The following POU2F1 variants were observed in gnomAD, a reference collection of about 807,000 sequenced individuals.
POU2F1 encodes the protein POU class 2 homeobox 1, also known as POU domain, class 2, transcription factor 1.
A neutral mutation model predicts 84.9 loss-of-function variants in POU2F1; 16 were observed. The ratio of observed to expected loss-of-function variants is 0.19; its 90% CI spans 0.13 to 0.29. POU2F1 has a LOEUF of 0.29. POU2F1 is among the 10% of genes least tolerant of loss of function. The pLI is 1.00. For missense variants in POU2F1, 738 were observed against 942.6 expected (o/e 0.78, Z 2.84); for synonymous variants, 368 against 368.3 (o/e 1.00, Z 0.01).
At chr1:167,375,087 AT>A (rs1475429091) in intron 6 of POU2F1, among the ~76,000 whole-genome samples, 1 of 152,150 alleles carries the variant, frequency 6.6e-6, no homozygotes, top group Non-Finnish European at 1.5e-5. Context: ...AATAAATAAA[AT>A]CTTTAATCTC....
chr1:167,282,695 C>G (rs1234136728), intron 1 of POU2F1, among the ~76,000 whole-genome samples: 4 of 152,074 alleles, frequency 2.6e-5, no homozygotes, highest in African/African-American at 9.7e-5. Context: ...CTGTACTTTT[C>G]CACCCTCATA....
intron 9 of POU2F1, among the ~76,000 whole-genome samples, chr1:167,395,582 ATTTATT>A (rs1156396373): frequency 6.6e-6 from 1 of 152,090 alleles, no homozygotes; most frequent in East Asian, 1.9e-4. Context: ...ATACAGATAA[ATTTATT>A]TTTATTTTTC....
At chr1:167,361,437 T>C (rs1169575382) in intron 2 of POU2F1, among the ~76,000 whole-genome samples, 2 of 152,216 alleles carry the variant, frequency 1.3e-5, no homozygotes, top group Non-Finnish European at 2.9e-5. Context: ...GATGATCATA[T>C]GGTTTTTGTT....
At chr1:167,229,809 T>TA (rs1648922253) in intron 1 of POU2F1, among the ~76,000 whole-genome samples, 1 of 152,170 alleles carries the variant, frequency 6.6e-6, no homozygotes, top group African/African-American at 2.4e-5. Context: ...GCCAGCATCT[T>TA]AGGAGGAATG....
intron 1 of POU2F1, among the ~76,000 whole-genome samples, chr1:167,298,148 C>A (rs1654417851): frequency 6.6e-6 from 1 of 151,632 alleles, no homozygotes; most frequent in Admixed American, 6.6e-5. Context: ...ACAACAACAA[C>A]AACAAAAACA....
chr1:167,322,095 T>C (rs552138386), intron 1 of POU2F1, among the ~76,000 whole-genome samples: 1 of 152,232 alleles, frequency 6.6e-6, no homozygotes, highest in Non-Finnish European at 1.5e-5. Context: ...ATGATTGAAA[T>C]GTCCATTCCT....
Position 167,220,931 on chromosome 1 carries a change from A to G in POU2F1, c.34A>G (p.Ser12Gly), listed in dbSNP as rs1477233767. ...CGGAGGAGCAGCGAGTCAAGATGAG[A>G]GTTCAGCCGCGGCGGCAGCAGCAGC... Reference protein sequence around the residue: ...ADGGAASQDESSAAAAAAADS... With the variant: ...ADGGAASQDEGSAAAAAAADS... The change falls in exon 1 of 16, where the codon AGT (serine) becomes GGT (glycine). Residue 12 changes from serine to glycine, a missense_variant. Ser to Gly is a moderately conservative substitution (Grantham distance 56). Coordinates refer to ENST00000367866, the MANE Select transcript of POU2F1 (RefSeq NM_002697.4). 5.2e-6 allele frequency: 8 copies of G among 1,535,226 alleles called. No individual in the cohort carries two copies. Among genetic ancestry groups the G allele is most frequent in the African/African-American group, 1.4e-5 (1 of 72,998 alleles).
intron 1 of POU2F1, among the ~76,000 whole-genome samples, chr1:167,246,094 G>A (rs544389718): frequency 3.3e-5 from 5 of 152,308 alleles, no homozygotes; most frequent in African/African-American, 1.2e-4. Flanking sequence ...TACAAAAATA[G>A]AAGTAATGAT....
Position 167,382,658 on chromosome 1 carries a change from A to G in POU2F1, c.719-1199A>G, listed in dbSNP as rs939692161. 4.6e-5 allele frequency among the ~76,000 whole-genome samples: 7 copies of G among 152,356 alleles called. No homozygotes were observed. The East Asian group carries it at 7.7e-4, about 17-fold the overall frequency. ...AAGGAGGATGGTCATTTAAACTTCC[A>G]TAAACCTGCCTTTTAAGAAATGTTT... On this transcript the variant is annotated intron_variant, in intron 7 of 15. Coordinates refer to ENST00000367866, the MANE Select transcript of POU2F1 (RefSeq NM_002697.4).
chr1:167,399,876 T>C (rs1478232116), intron 12 of POU2F1, among the ~76,000 whole-genome samples: 2 of 151,532 alleles, frequency 1.3e-5, no homozygotes, highest in African/African-American at 4.8e-5. Flanking sequence ...GGTTTCACTA[T>C]GTTGGCCAGG....
At chr1:167,237,770 ATATTTTTTTTTTTT>A (rs1649604807) in intron 1 of POU2F1, among the ~76,000 whole-genome samples, 1 of 12,670 alleles carries the variant, frequency 7.9e-5, no homozygotes, top group Admixed American at 1.3e-3. Context: ...ATATATATAT[ATATTTTTTTTTTTT>A]TTTTTTTTTT....
intron 1 of POU2F1, among the ~76,000 whole-genome samples, chr1:167,328,372 C>A (rs1271799237): frequency 1.3e-5 from 2 of 152,316 alleles, no homozygotes; most frequent in Non-Finnish European, 2.9e-5. Flanking sequence ...GTGGGACTTT[C>A]TCTTGACGGA....
intron 1 of POU2F1, among the ~76,000 whole-genome samples, chr1:167,321,483 G>A (rs1656305636): frequency 1.3e-5 from 2 of 152,114 alleles, no homozygotes; most frequent in South Asian, 4.1e-4. Flanking sequence ...CTGAATTAAT[G>A]GCCCTAAGAT....
chr1:167,300,385 A>T (rs1654602784), intron 1 of POU2F1, among the ~76,000 whole-genome samples: 1 of 152,242 alleles, frequency 6.6e-6, no homozygotes, highest in African/African-American at 2.4e-5. Flanking sequence ...ATATCCAGGT[A>T]GCAAACCTAC....
At chr1:167,382,518 A>G (rs891812579) in intron 7 of POU2F1, among the ~76,000 whole-genome samples, 1 of 152,148 alleles carries the variant, frequency 6.6e-6, no homozygotes, top group Non-Finnish European at 1.5e-5. Flanking sequence ...GGCTGCATAG[A>G]TTTTGTTCTA....
chr1:167,399,373 T>TAAA lies in POU2F1; in HGVS notation c.1449+12_1449+14dup. The TAAA allele has an allele frequency of 6.2e-7, 1 of 1,603,282 alleles. No homozygotes were observed. The highest frequency in any genetic ancestry group is 2.2e-5 in the East Asian group (1 of 44,718). On this transcript the variant is annotated intron_variant, in intron 12 of 15. Transcript: ENST00000367866. ...CCCAGCCCAACTTCACTGGTAAGAA[T>TAAA]AAAAAATAGGGAGTGCAAGCTCAAG...
intron 3 of POU2F1, among the ~76,000 whole-genome samples, chr1:167,366,017 T>G (rs1196561168): frequency 6.6e-6 from 1 of 152,194 alleles, no homozygotes. Context: ...TGCTTGACTG[T>G]GACCCCCGCA....
intron 5 of POU2F1, 37 bp from the exon 6 acceptor site, chr1:167,374,071 T>TC (rs772201454): frequency 6.2e-7 from 1 of 1,605,496 alleles, no homozygotes. Context: ...ACTTTCTCCT[T>TC]CAACACTTTC....
chr1:167,357,419 TC>T (rs1659034409), intron 2 of POU2F1: 1 of 113,694 alleles, frequency 8.8e-6, no homozygotes, highest in Non-Finnish European at 1.7e-5. Flanking sequence ...CTCACTTTGT[TC>T]CCCAGGCAGG....
Sources: gnomAD v4.1 joint callset for allele counts (sites outside exome capture counted in the v4.1 genomes callset) on GRCh38, gnomAD v4.1.1 for gene constraint, MANE v1.5 for transcripts, NCBI Gene and HGNC (gene_info 2026-07-23, HGNC 2026-07-21) for gene names.